Variants in PSME4 observed in about 807,000 individuals in gnomAD.
The protein encoded by PSME4 is proteasome activator complex subunit 4.
A neutral mutation model predicts 253.9 loss-of-function variants in PSME4; 89 were observed. That is an observed-to-expected ratio of 0.35 (90% CI 0.30 to 0.42). The LOEUF is 0.42. Ranked by LOEUF, PSME4 falls within the 10% of genes least tolerant of loss-of-function variation. PSME4 has a pLI of 1.00. For synonymous variants in PSME4, 851 were observed against 759.2 expected, an observed-to-expected ratio of 1.12 and a Z score of -1.99; for missense variants, 2,014 against 2,195.2, an observed-to-expected ratio of 0.92 and a Z score of 1.65.
chr2:53,918,966 A>C (rs1668180753), intron 20 of PSME4, among the ~76,000 whole-genome samples, 185 bp downstream of exon 20: 1 of 152,196 alleles, frequency 6.6e-6, no homozygotes, highest in Non-Finnish European at 1.5e-5. Context: ...CCATGTGAAA[A>C]TCTGAATAAA....
chr2:53,963,391 C>T (rs934255047), intron 1 of PSME4, among the ~76,000 whole-genome samples: 2 of 152,058 alleles, frequency 1.3e-5, no homozygotes, highest in Admixed American at 1.3e-4. Context: ...AGAAAACTTG[C>T]GCTGATACAT....
chr2:53,902,737 GTCTCAACTACTCTTC>G (rs1384203462), intron 27 of PSME4, among the ~76,000 whole-genome samples: 1 of 152,160 alleles, frequency 6.6e-6, no homozygotes, highest in Non-Finnish European at 1.5e-5. Context: ...TTTGCTCTCT[GTCTCAACTACTCTTC>G]TCTGCCACTG....
At chr2:53,926,062 T>G in intron 12 of PSME4, 39 bp from the exon 13 acceptor site, 1 of 1,537,962 alleles carries the variant, frequency 6.5e-7, no homozygotes, top group Non-Finnish European at 9.0e-7. Flanking sequence ...ACATATAGCC[T>G]TTGTTTTTTT....
Position 53,896,897 on chromosome 2 carries a change from A to T in PSME4, c.3607-12T>A, listed in dbSNP as rs779091859. On this transcript the variant is annotated splice_polypyrimidine_tract_variant and intron_variant, in intron 31 of 46. Coordinates refer to ENST00000404125, the MANE Select transcript of PSME4 (RefSeq NM_014614.3). ...GCTGAGATAGCCATCTAGAAAAGGA[A>T]AAAGGTACACATTCATAAAAAAAAG... 1.3e-6 allele frequency: 2 copies of T among 1,591,684 alleles called. No individual in the cohort carries two copies. The highest frequency in any genetic ancestry group is 3.3e-5 in the Admixed American group (2 of 59,894).
chr2:53,866,355 A>C, intron 45 of PSME4, 132 bp from the exon 46 acceptor site: 1 of 971,918 alleles, frequency 1.0e-6, no homozygotes, highest in Non-Finnish European at 1.5e-6. Flanking sequence ...CAAAACCAAA[A>C]AGCCAATGAG....
intron 14 of PSME4, among the ~76,000 whole-genome samples, chr2:53,924,618 T>C (rs150510078): frequency 2.2e-4 from 34 of 152,122 alleles, no homozygotes; most frequent in African/African-American, 7.5e-4. Context: ...AAAAATACAG[T>C]TGTTTCTTTT....
At position 53,904,040 on chromosome 2, in the gene PSME4, T is replaced by C. The variant is rs778121876; in HGVS notation, c.3060A>G (p.Thr1020=). The C allele has an allele frequency of 1.2e-5, 20 of 1,612,828 alleles. No individual in the cohort carries two copies. Among genetic ancestry groups the C allele is most frequent in the African/African-American group, 2.7e-5 (2 of 74,870 alleles). The change falls in exon 27 of 47, where the codon ACA becomes ACG. Residue 1020 remains threonine, a synonymous_variant. Transcript: ENST00000404125. The part of the protein sequence containing the change: ...EFLRPDRQGV[T]QQQFKGALYC... ...AACCCTATACCTTGAATTGTTGCTG[T>C]GTAACACCTTGTCTATCAGGCCTTA...
rs367985269 is a variant in PSME4 at position 53,911,593 on chromosome 2, C to G, written c.2517-1463G>C. Reference sequence around the variant, plus strand: ...AGCACAAGAGAGTTCCCACCCTCCCCCCGCCCACTGTTAGAGCAGGGGAAG... The same window carrying G: ...AGCACAAGAGAGTTCCCACCCTCCCGCCGCCCACTGTTAGAGCAGGGGAAG... On this transcript the variant is annotated intron_variant, in intron 20 of 46. Transcript: ENST00000404125. 1.6e-4 allele frequency among the ~76,000 whole-genome samples: 25 copies of G among 152,162 alleles called. No homozygotes were observed. In the East Asian group the frequency reaches 3.5e-3, roughly 21 times the overall value.
chr2:53,896,741 A>G, intron 32 of PSME4, 63 bp downstream of exon 32: 2 of 1,267,858 alleles, frequency 1.6e-6, no homozygotes, highest in South Asian at 2.5e-5. Context: ...GAATTTATAC[A>G]TGTCAAGAAA....
chr2:53,920,125 A>G, intron 19 of PSME4, 68 bp downstream of exon 19: 2 of 1,367,504 alleles, frequency 1.5e-6, no homozygotes, highest in Non-Finnish European at 2.0e-6. Flanking sequence ...GAGATATGCC[A>G]CAGATAAAGC....
At chr2:53,966,738 T>G (rs1670756667) in intron 1 of PSME4, among the ~76,000 whole-genome samples, 1 of 152,116 alleles carries the variant, frequency 6.6e-6, no homozygotes, top group African/African-American at 2.4e-5. Flanking sequence ...AGATGGAGTC[T>G]CGCTCTTTTG....
In PSME4 at chr2:53,936,836, G is replaced by C; in HGVS notation, c.696-9C>G. 1 of 1,574,420 alleles carries C rather than the reference G, an allele frequency of 6.4e-7. No homozygotes were observed. ...ATTCATCAAACCAAAGTCTAAAGAA[G>C]AAAAATGTTGTTATGAATAGCAAGT... is the stretch of plus-strand genomic sequence containing the variant. On this transcript the variant is annotated splice_polypyrimidine_tract_variant and intron_variant, in intron 5 of 46. Transcript: ENST00000404125.
At chr2:53,940,630 TTC>T (rs1367564552) in intron 3 of PSME4, among the ~76,000 whole-genome samples, 1 of 151,780 alleles carries the variant, frequency 6.6e-6, no homozygotes, top group Non-Finnish European at 1.5e-5. Flanking sequence ...TAATCCACAT[TTC>T]TTTTTTAATA....
chr2:53,906,577 C>A, intron 26 of PSME4, 21 bp downstream of exon 26: 1 of 1,517,002 alleles, frequency 6.6e-7, no homozygotes. Flanking sequence ...CATGAGAGTG[C>A]AGCGTTTGGA....
intron 20 of PSME4, among the ~76,000 whole-genome samples, chr2:53,914,662 C>T (rs1212880796): frequency 1.3e-5 from 2 of 152,118 alleles, no homozygotes; most frequent in African/African-American, 4.8e-5. Flanking sequence ...GCGGGTGGAT[C>T]ACAAGGTCAG....
At position 53,873,195 on chromosome 2, in the gene PSME4, C is replaced by T. The variant is rs547097854; in HGVS notation, c.5100+1144G>A. Among the ~76,000 whole-genome samples the T allele has an allele frequency of 1.1e-4, 16 of 142,522 alleles. No homozygotes were observed. In the East Asian group the frequency reaches 2.4e-3, roughly 21 times the overall value. The allele number at this position is 142,522 out of a possible 152,430, so 93.5% of individuals were successfully genotyped here. ...GGCGGAGCTTGCAGTGAGCTGAGAG[C>T]GTGCCACTGCACTCCAGCCTGGGTA... On this transcript the variant is annotated intron_variant, in intron 43 of 46. Transcript: ENST00000404125.
At chr2:53,965,246 A>ATT (rs35223836) in intron 1 of PSME4, among the ~76,000 whole-genome samples, 12 of 141,568 alleles carry the variant, frequency 8.5e-5, no homozygotes, top group African/African-American at 1.8e-4. Flanking sequence ...AGGCCAAGTG[A>ATT]TTTTTTTTTT....
chr2:53,903,160 T>C (rs1470396781), intron 27 of PSME4, among the ~76,000 whole-genome samples: 2 of 152,138 alleles, frequency 1.3e-5, no homozygotes, highest in Non-Finnish European at 2.9e-5. Flanking sequence ...TCAATTATAA[T>C]CAACATACAT....
At position 53,949,163 on chromosome 2, in the gene PSME4, G is replaced by C. The variant is rs1361162398; in HGVS notation, c.363C>G (p.Arg121=). 2 of 1,599,788 alleles carry C rather than the reference G, an allele frequency of 1.3e-6. No homozygotes were observed. Among genetic ancestry groups the C allele is most frequent in the Non-Finnish European group, 1.7e-6 (2 of 1,173,174 alleles). Residue 121 remains arginine, a synonymous_variant, in exon 2 of 47, where the codon CGC becomes CGG. Transcript: ENST00000404125. ...CTTACTTTAACAAGTTGATCAAAAG[G>C]CGGGCAAATCCCTGCATCATGCTGA... is the stretch of plus-strand genomic sequence containing the variant. ...LEISMMQGFA[R]LLINLLKKKE...
Sources: gnomAD v4.1 joint callset for allele counts (sites outside exome capture counted in the v4.1 genomes callset) on GRCh38, gnomAD v4.1.1 for gene constraint, MANE v1.5 for transcripts, NCBI Gene and HGNC (gene_info 2026-07-23, HGNC 2026-07-21) for gene names.